SMR3A: variants seen among roughly 807,000 people sequenced by gnomAD.
SMR3A encodes the protein submaxillary gland androgen regulated protein 3A.
For synonymous variants in SMR3A, 48 were observed against 57.4 expected, an observed-to-expected ratio of 0.84 and a Z score of 0.74; for missense variants, 188 against 163.0, an observed-to-expected ratio of 1.15 and a Z score of -0.84.
intron 2 of SMR3A, among the ~76,000 whole-genome samples, chr4:70,362,612 G>A (rs571328565): frequency 6.6e-6 from 1 of 151,774 alleles, no homozygotes; most frequent in Non-Finnish European, 1.5e-5. Flanking sequence ...GAGAATCTTT[G>A]CATGCTAAAT....
At chr4:70,362,307 G>C (rs17148798) in intron 2 of SMR3A, 138 bp downstream of exon 2, 162,633 of 1,456,444 alleles carry the variant, frequency 0.11, 11,570 homozygotes, top group African/African-American at 0.33. Context: ...TGTTCTAGTG[G>C]TTAAATTTAA....
intron 1 of SMR3A, among the ~76,000 whole-genome samples, chr4:70,361,794 T>C (rs777460070): frequency 3.9e-5 from 6 of 151,944 alleles, no homozygotes; most frequent in Non-Finnish European, 8.8e-5. Flanking sequence ...TAGTTACCTC[T>C]AAAGGCAAAA....
chr4:70,362,721 T>G (rs1732175566), intron 2 of SMR3A, among the ~76,000 whole-genome samples: 1 of 151,852 alleles, frequency 6.6e-6, no homozygotes, highest in African/African-American at 2.4e-5. Context: ...TGTTTCAGAA[T>G]TTTTTAATGC....
rs943608057 is a variant in SMR3A at position 70,367,061 on chromosome 4, T to G, written c.*67T>G. On this transcript the variant is annotated 3_prime_UTR_variant, in exon 3 of 3. Coordinates refer to ENST00000226460, the MANE Select transcript of SMR3A (RefSeq NM_012390.4). ...ACACTACCCTCGTAACTACTGCTTC[T>G]ACTACCCAAAAATAAGAATTTCAAC... The G allele has an allele frequency of 1.3e-5, 18 of 1,356,316 alleles. No individual in the cohort carries two copies. The African/African-American group carries it at 1.9e-4, about 14-fold the overall frequency. The allele number at this position is 1,356,316 out of a possible 1,614,324, so 84.0% of individuals were successfully genotyped here.
chr4:70,364,111 T>A (rs1299317049), intron 2 of SMR3A, among the ~76,000 whole-genome samples: 2 of 151,956 alleles, frequency 1.3e-5, no homozygotes, highest in Non-Finnish European at 2.9e-5. Context: ...GGTTGGCAAA[T>A]TTAGAATACT....
chr4:70,366,925 TCCACC>T lies in SMR3A; in HGVS notation c.337_341del (p.Pro113TrpfsTer12). The T allele has an allele frequency of 6.2e-7, 1 of 1,613,630 alleles. No homozygotes were observed. ...AGCCACCTTCCCAACCAAGACCCTA[TCCACC>T]TGGACCTCCATTTTTCCCTGTAAAT... On this transcript the variant is annotated frameshift_variant, in exon 3 of 3. Transcript: ENST00000226460. LOFTEE classifies it low-confidence loss of function (END_TRUNC).
At chr4:70,364,318 C>A (rs1451902019) in intron 2 of SMR3A, among the ~76,000 whole-genome samples, 2 of 151,654 alleles carry the variant, frequency 1.3e-5, no homozygotes, top group African/African-American at 4.8e-5. Context: ...TCAACGGGCC[C>A]TACAGTAATT....
rs747930494 is a variant in SMR3A at position 70,366,884 on chromosome 4, G to T, written c.295G>T (p.Gly99Cys). 6.2e-7 allele frequency: 1 copy of T among 1,613,296 alleles called. No homozygotes were observed. The highest frequency in any genetic ancestry group is 1.7e-5 in the Admixed American group (1 of 59,892). The stretch of plus-strand genomic sequence containing the variant: ...ATCACACTCTCTTCCTCCTCCTTAT[G>T]GCCCAGGTTATCCACAGCCACCTTC... ...IQSHSLPPPY[G>C]PGYPQPPSQP... is the part of the protein sequence containing the mutation. The change falls in exon 3 of 3, where the codon GGC becomes TGC. Residue 99 changes from glycine (G) to cysteine (C), a missense_variant. By Grantham distance (159) the Gly-to-Cys change is radical. Transcript: ENST00000226460.
At chr4:70,364,094 G>A (rs1363764739) in intron 2 of SMR3A, among the ~76,000 whole-genome samples, 2 of 152,068 alleles carry the variant, frequency 1.3e-5, no homozygotes, top group Non-Finnish European at 2.9e-5. Flanking sequence ...TGGGAAGTGA[G>A]AAGTGGGGTT....
intron 1 of SMR3A, 71 bp downstream of exon 1, chr4:70,360,913 A>G (rs1031554836): frequency 2.0e-5 from 3 of 151,894 alleles, no homozygotes; most frequent in African/African-American, 7.2e-5. Flanking sequence ...TAGGACATTC[A>G]TTATCACCAA....
chr4:70,363,054 G>T (rs1732181553), intron 2 of SMR3A, among the ~76,000 whole-genome samples: 1 of 151,952 alleles, frequency 6.6e-6, no homozygotes, highest in Non-Finnish European at 1.5e-5. Context: ...CATTATGGGT[G>T]GACATAATTT....
intron 2 of SMR3A, among the ~76,000 whole-genome samples, chr4:70,365,028 C>G (rs1239349033): frequency 6.6e-6 from 1 of 151,970 alleles, no homozygotes; most frequent in African/African-American, 2.4e-5. Flanking sequence ...CTCCAAGCAA[C>G]CTGGAGTTCT....
At chr4:70,365,123 T>C (rs191850373) in intron 2 of SMR3A, among the ~76,000 whole-genome samples, 39 of 152,186 alleles carry the variant, frequency 2.6e-4, no homozygotes, top group African/African-American at 8.7e-4. Flanking sequence ...CCTTATTTTG[T>C]ATTCTTTAAG....
At chr4:70,364,223 A>C (rs1057277777) in intron 2 of SMR3A, among the ~76,000 whole-genome samples, 7 of 152,010 alleles carry the variant, frequency 4.6e-5, no homozygotes, top group African/African-American at 7.2e-5. Flanking sequence ...GGGAAATATC[A>C]ATTTATATTT....
At chr4:70,364,159 AG>A (rs1732210144) in intron 2 of SMR3A, among the ~76,000 whole-genome samples, 1 of 152,082 alleles carries the variant, frequency 6.6e-6, no homozygotes, top group African/African-American at 2.4e-5. Context: ...AGAGGTGAAA[AG>A]GAGGTCACAA....
chr4:70,367,118 C>A lies in SMR3A; in HGVS notation c.*124C>A. On this transcript the variant is annotated 3_prime_UTR_variant, in exon 3 of 3. Coordinates refer to ENST00000226460, the MANE Select transcript of SMR3A (RefSeq NM_012390.4). ...TCCAAGAGACTTTTAGATAAAATCA[C>A]TTCCATTTTTGGATGAGAATAAAGA... 1 of 828,386 alleles carries A rather than the reference C, an allele frequency of 1.2e-6. No individual in the cohort carries two copies. The highest frequency in any genetic ancestry group is 1.9e-6 in the Non-Finnish European group (1 of 534,362). 51.3% of individuals were successfully genotyped at this position (828,386 alleles called of 1,614,324 possible). A position where few individuals can be genotyped will look rare whatever the true frequency, so the allele number is the denominator to read the frequency against.
At chr4:70,364,910 C>T (rs945094024) in intron 2 of SMR3A, among the ~76,000 whole-genome samples, 22 of 151,850 alleles carry the variant, frequency 1.4e-4, no homozygotes, top group African/African-American at 4.8e-4. Context: ...GATGGTTTAC[C>T]GTAATACTAA....
At chr4:70,366,178 C>A (rs1301620497) in intron 2 of SMR3A, among the ~76,000 whole-genome samples, 1 of 151,972 alleles carries the variant, frequency 6.6e-6, no homozygotes, top group East Asian at 1.9e-4. Flanking sequence ...GCTTAGGTGG[C>A]TTCTCTGCTC....
intron 2 of SMR3A, among the ~76,000 whole-genome samples, chr4:70,365,765 C>T (rs892005061): frequency 4.6e-5 from 7 of 152,036 alleles, no homozygotes; most frequent in African/African-American, 1.7e-4. Context: ...CCTTCATTAG[C>T]TCATTGCACA....
Sources: gnomAD v4.1 joint callset for allele counts (sites outside exome capture counted in the v4.1 genomes callset) on GRCh38, gnomAD v4.1.1 for gene constraint, MANE v1.5 for transcripts, NCBI Gene and HGNC (gene_info 2026-07-23, HGNC 2026-07-21) for gene names.